Variants in GRK7 observed in about 807,000 individuals in gnomAD.
GRK7 encodes the protein G protein-coupled receptor kinase 7.
In GRK7, 24 loss-of-function variants were observed where a neutral mutation model predicts 34.1. The observed-to-expected ratio is 0.70, with a 90% CI of 0.51 to 0.99. The LOEUF (loss-of-function observed/expected upper bound fraction) is 0.99, where lower values mean the gene tolerates loss of function less well. Among genes scored for constraint, GRK7 ranks in the 50% least tolerant of loss-of-function variants. The pLI is 0.00. For missense variants in GRK7, 644 were observed against 707.3 expected, an observed-to-expected ratio of 0.91 and a Z score of 1.02; for synonymous variants, 256 against 279.4, an observed-to-expected ratio of 0.92 and a Z score of 0.84.
At chr3:141,758,095 G>T in the GRK7 span, among the ~76,000 whole-genome samples, 2 of 68,910 alleles carry the variant, frequency 2.9e-5, no homozygotes, top group African/African-American at 1.3e-4. Flanking sequence ...TTTCTCCCAT[G>T]TTGTAGGTTG....
intron 3 of GRK7, 48 bp from the exon 4 acceptor site, chr3:141,780,326 A>G: frequency 6.7e-7 from 1 of 1,492,514 alleles, no homozygotes; most frequent in African/African-American, 1.4e-5. Flanking sequence ...ACCTCTCTGC[A>G]GTACCATCTA....
At chr3:141,777,322 C>CCTTTTTTTTTTTTTTTTTTTTTTTT (rs2084644173) in intron 2 of GRK7, among the ~76,000 whole-genome samples, 1 of 52,872 alleles carries the variant, frequency 1.9e-5, no homozygotes, top group African/African-American at 9.0e-5. Context: ...GATGGCCCCT[C>CCTTTTTTTTTTTTTTTTTTTTTTTT]TTTTTTTTTT....
chr3:141,783,743 G>A (rs2084683055), intron 4 of GRK7, among the ~76,000 whole-genome samples: 2 of 152,136 alleles, frequency 1.3e-5, no homozygotes, highest in African/African-American at 4.8e-5. Flanking sequence ...AGATGCTGAG[G>A]CAAAAGCCAG....
intron 4 of GRK7, among the ~76,000 whole-genome samples, chr3:141,802,366 T>TCACACCCA (rs1553737504): frequency 6.9e-6 from 1 of 145,574 alleles, no homozygotes; most frequent in African/African-American, 2.6e-5. Context: ...TCTTTCTCTG[T>TCACACCCA]CACACACACA....
intron 5 of GRK7, 119 bp from the exon 6 acceptor site, chr3:141,816,595 T>C (rs1577930460): frequency 3.6e-6 from 2 of 559,266 alleles, no homozygotes; most frequent in East Asian, 3.0e-5. Context: ...TGTTATTATA[T>C]TGTCTTTGCA....
intron 4 of GRK7, among the ~76,000 whole-genome samples, chr3:141,782,480 T>G (rs1394196148): frequency 6.6e-6 from 1 of 152,124 alleles, no homozygotes; most frequent in Non-Finnish European, 1.5e-5. Flanking sequence ...GCAGAGATGT[T>G]CACTAGGCAT....
Position 141,784,179 on chromosome 3 carries a change from C to G in GRK7, c.1050+3368C>G, listed in dbSNP as rs548619523. Reference sequence around the variant, plus strand: ...CCATGGCCATTTGGAAGGACAGCTCCTTCCTTGGCTCCCGGGTGCAGCTCT... The same window carrying G: ...CCATGGCCATTTGGAAGGACAGCTCGTTCCTTGGCTCCCGGGTGCAGCTCT... On this transcript the variant is annotated intron_variant, in intron 4 of 5. Transcript: ENST00000682958. 3.3e-5 allele frequency among the ~76,000 whole-genome samples: 5 copies of G among 152,266 alleles called. No individual in the cohort carries two copies. In the East Asian group the frequency reaches 9.6e-4, roughly 29 times the overall value.
At chr3:141,782,539 G>C (rs1226724496) in intron 4 of GRK7, among the ~76,000 whole-genome samples, 2 of 152,174 alleles carry the variant, frequency 1.3e-5, no homozygotes, top group African/African-American at 4.8e-5. Flanking sequence ...GATAGACGTG[G>C]GGATTTGGAG....
chr3:141,818,493 A>C lies in GRK7; in HGVS notation c.*1443A>C, dbSNP rs1388570812. 2 of 152,362 alleles carry C rather than the reference A, an allele frequency of 1.3e-5. No individual in the cohort carries two copies. Among genetic ancestry groups the C allele is most frequent in the African/African-American group, 4.8e-5 (2 of 41,408 alleles). 9.4% of individuals were successfully genotyped at this position (152,362 alleles called of 1,614,324 possible). A position where few individuals can be genotyped will look rare whatever the true frequency, so the allele number is the denominator to read the frequency against. ...CAAGACTCTATCTCAAAAAAAAACA[A>C]AACAAAACAAAACAAAAAAAACAGA... On this transcript the variant is annotated 3_prime_UTR_variant, in exon 6 of 6. Coordinates refer to ENST00000682958, the MANE Select transcript of GRK7 (RefSeq NM_139209.3).
intron 4 of GRK7, among the ~76,000 whole-genome samples, chr3:141,789,368 G>C (rs1455680803): frequency 6.6e-6 from 1 of 152,116 alleles, no homozygotes; most frequent in East Asian, 1.9e-4. Context: ...TCCCTGCACG[G>C]GAGCCACCAG....
chr3:141,807,412 CTT>C (rs1169282260), intron 4 of GRK7, among the ~76,000 whole-genome samples: 1 of 152,188 alleles, frequency 6.6e-6, no homozygotes, highest in Non-Finnish European at 1.5e-5. Flanking sequence ...GCCACCAACT[CTT>C]TATCTCATTG....
chr3:141,816,998 C>T lies in GRK7; in HGVS notation c.1610C>T (p.Thr537Met), dbSNP rs183856880. 9.3e-6 allele frequency: 15 copies of T among 1,613,178 alleles called. No homozygotes were observed. The East Asian group carries it at 1.1e-4, about 12-fold the overall frequency. ...FEELNDPNRP[T>M]GCEEGNSSKS... ...GAACTGAATGACCCCAACAGACCTA[C>T]GGGTTGTGAGGAGGGTAATTCATCC... Residue 537 changes from threonine (T) to methionine (M), a missense_variant, in exon 6 of 6, where the codon ACG (threonine) becomes ATG (methionine). Thr to Met is a moderately conservative substitution (Grantham distance 81). Transcript: ENST00000682958.
At chr3:141,779,986 A>G (rs2084663388) in intron 3 of GRK7, among the ~76,000 whole-genome samples, 1 of 152,166 alleles carries the variant, frequency 6.6e-6, no homozygotes, top group African/African-American at 2.4e-5. Context: ...ATGCACAAGT[A>G]TTTGTTTGAA....
At chr3:141,788,543 A>G (rs1405331345) in intron 4 of GRK7, among the ~76,000 whole-genome samples, 1 of 152,154 alleles carries the variant, frequency 6.6e-6, no homozygotes, top group Admixed American at 6.5e-5. Context: ...AGCTCCTAGA[A>G]CACGGTGACT....
At chr3:141,800,175 C>T (rs1023679637) in intron 4 of GRK7, among the ~76,000 whole-genome samples, 3 of 152,030 alleles carry the variant, frequency 2.0e-5, no homozygotes, top group Non-Finnish European at 2.9e-5. Context: ...AAGTGAAATA[C>T]TATATTCAGG....
chr3:141,804,629 ACACACT>A (rs1364553022), intron 4 of GRK7, among the ~76,000 whole-genome samples: 5 of 150,722 alleles, frequency 3.3e-5, no homozygotes, highest in African/African-American at 1.2e-4. Flanking sequence ...TCATACATAC[ACACACT>A]CACACACATG....
At chr3:141,807,964 C>A (rs762356540) in intron 5 of GRK7, 45 bp downstream of exon 5, 39 of 1,499,786 alleles carry the variant, frequency 2.6e-5, no homozygotes, top group Non-Finnish European at 3.5e-5. Flanking sequence ...CCAGTATTGT[C>A]CACAGGGATT....
intron 1 of GRK7, among the ~76,000 whole-genome samples, chr3:141,770,466 G>A (rs376441804): frequency 6.6e-6 from 1 of 151,832 alleles, no homozygotes; most frequent in Admixed American, 6.6e-5. Context: ...AGGTATTTTT[G>A]ATTACTTCAA....
chr3:141,766,396 C>A (rs1184307126), intron 1 of GRK7, among the ~76,000 whole-genome samples: 1 of 152,150 alleles, frequency 6.6e-6, no homozygotes, highest in Admixed American at 6.5e-5. Flanking sequence ...ATCTCCTGAC[C>A]TCGTGATCCA....
Sources: gnomAD v4.1 joint callset for allele counts (sites outside exome capture counted in the v4.1 genomes callset) on GRCh38, gnomAD v4.1.1 for gene constraint, MANE v1.5 for transcripts, NCBI Gene and HGNC (gene_info 2026-07-23, HGNC 2026-07-21) for gene names.